Variants in PBX1 observed in about 807,000 individuals in gnomAD.
PBX1 encodes the protein pre-B-cell leukemia transcription factor 1.
A neutral mutation model predicts 53.4 loss-of-function variants in PBX1; 6 were observed. The observed-to-expected ratio is 0.11, with a 90% CI of 0.06 to 0.22. The LOEUF (loss-of-function observed/expected upper bound fraction) is 0.22, where lower values mean the gene tolerates loss of function less well. Among genes scored for constraint, PBX1 ranks in the 10% least tolerant of loss-of-function variants. The probability of loss-of-function intolerance (pLI) is 1.00; values close to 1 mark genes in which losing one functional copy is unlikely to be tolerated. For synonymous variants in PBX1, 204 were observed against 212.3 expected (o/e 0.96, Z 0.34); for missense variants, 251 against 551.4 (o/e 0.46, Z 5.46).
At chr1:164,665,609 A>C (rs1660758060) in intron 2 of PBX1, among the ~76,000 whole-genome samples, 1 of 152,180 alleles carries the variant, frequency 6.6e-6, no homozygotes, top group African/African-American at 2.4e-5. Flanking sequence ...TTAAAAAAAC[A>C]AAGGGACACT....
intron 2 of PBX1, among the ~76,000 whole-genome samples, chr1:164,741,402 C>T (rs1030371952): frequency 9.2e-5 from 14 of 152,260 alleles, no homozygotes; most frequent in African/African-American, 2.9e-4. Flanking sequence ...GTTAAGCAGC[C>T]TCCTCAAAGC....
At chr1:164,819,900 T>C in intron 6 of PBX1, 172 bp from the exon 7 acceptor site, 1 of 576,004 alleles carries the variant, frequency 1.7e-6, no homozygotes, top group Admixed American at 3.1e-5. Flanking sequence ...ATGCACCCTT[T>C]ATTGCTTGCT....
chr1:164,732,298 T>G (rs1665038301), intron 2 of PBX1, among the ~76,000 whole-genome samples: 1 of 152,170 alleles, frequency 6.6e-6, no homozygotes, highest in Non-Finnish European at 1.5e-5. Context: ...TACCTAATTC[T>G]ACAAATATGA....
intron 6 of PBX1, chr1:164,818,350 T>C (rs897644742): frequency 6.6e-6 from 1 of 152,168 alleles, no homozygotes; most frequent in African/African-American, 2.4e-5. Context: ...CCTGGCCAGA[T>C]CTTACACTTG....
At position 164,849,096 on chromosome 1, in the gene PBX1, A is replaced by C; in HGVS notation, c.*2420A>C. 7.4e-7 allele frequency: 1 copy of C among 1,342,646 alleles called. No individual in the cohort carries two copies. Among genetic ancestry groups the C allele is most frequent in the African/African-American group, 1.5e-5 (1 of 68,364 alleles). 83.2% of individuals were successfully genotyped at this position (1,342,646 alleles called of 1,614,324 possible). ...ATAATGAAACTACCCACGCAAGAAC[A>C]TGGTTGAATCACATTTGCTTGACTT... is the stretch of plus-strand genomic sequence containing the variant. On this transcript the variant is annotated 3_prime_UTR_variant, in exon 9 of 9. Transcript: ENST00000420696.
intron 2 of PBX1, among the ~76,000 whole-genome samples, chr1:164,758,358 C>T (rs970737008): frequency 6.6e-6 from 1 of 152,196 alleles, no homozygotes; most frequent in Non-Finnish European, 1.5e-5. Context: ...ACTCGAGTGA[C>T]TGCAGCCTGG....
intron 2 of PBX1, among the ~76,000 whole-genome samples, chr1:164,700,054 G>A (rs1034665620): frequency 2.0e-5 from 3 of 152,206 alleles, no homozygotes; most frequent in Non-Finnish European, 2.9e-5. Context: ...ATGAGGTAAT[G>A]TGGCGGGAGG....
intron 2 of PBX1, among the ~76,000 whole-genome samples, chr1:164,859,907 A>G (rs1206664171): frequency 1.3e-5 from 2 of 152,238 alleles, no homozygotes; most frequent in African/African-American, 2.4e-5. Context: ...AGAATTTAAA[A>G]TTATGATGTC....
chr1:164,711,055 A>AC (rs1288651113), intron 2 of PBX1, among the ~76,000 whole-genome samples: 1 of 151,962 alleles, frequency 6.6e-6, no homozygotes, highest in East Asian at 1.9e-4. Context: ...CTTGCTGTCA[A>AC]CCCTTTCTCT....
At chr1:164,734,674 A>G (rs1387146385) in intron 2 of PBX1, among the ~76,000 whole-genome samples, 4 of 152,222 alleles carry the variant, frequency 2.6e-5, no homozygotes, top group African/African-American at 9.6e-5. Context: ...AATTAATAAT[A>G]CAGCATTACA....
chr1:164,609,046 A>T (rs554390044), intron 2 of PBX1, among the ~76,000 whole-genome samples: 1 of 152,332 alleles, frequency 6.6e-6, no homozygotes, highest in East Asian at 1.9e-4. Context: ...AAGAGGTAAT[A>T]TAAAACAGAC....
intron 2 of PBX1, among the ~76,000 whole-genome samples, chr1:164,693,239 G>C (rs781754167): frequency 2.0e-5 from 3 of 152,246 alleles, no homozygotes; most frequent in Non-Finnish European, 2.9e-5. Context: ...CATGCTCGCT[G>C]TTGCAGAAGG....
At chr1:164,591,049 G>C (rs1201002908) in intron 2 of PBX1, among the ~76,000 whole-genome samples, 3 of 134,202 alleles carry the variant, frequency 2.2e-5, no homozygotes, top group Non-Finnish European at 4.6e-5. Flanking sequence ...GTCTTGCTCT[G>C]TTGCCAGGCT....
chr1:164,783,245 G>A (rs1022225271), intron 2 of PBX1, among the ~76,000 whole-genome samples: 8 of 152,098 alleles, frequency 5.3e-5, no homozygotes, highest in Non-Finnish European at 1.0e-4. Flanking sequence ...TAGCAAGAAA[G>A]GACTATAAAG....
At chr1:164,768,097 A>G (rs943835519) in intron 2 of PBX1, among the ~76,000 whole-genome samples, 2 of 152,162 alleles carry the variant, frequency 1.3e-5, no homozygotes, top group African/African-American at 4.8e-5. Context: ...ACTCTTTCGA[A>G]TCATATTATC....
intron 2 of PBX1, among the ~76,000 whole-genome samples, chr1:164,725,948 A>G (rs1165388746): frequency 6.6e-6 from 1 of 152,184 alleles, no homozygotes; most frequent in African/African-American, 2.4e-5. Context: ...GGATTTGGAA[A>G]TGAAATTTAA....
chr1:164,853,324 T>C (rs532250415), downstream of PBX1, among the ~76,000 whole-genome samples: 1 of 152,274 alleles, frequency 6.6e-6, no homozygotes, highest in African/African-American at 2.4e-5. Context: ...CTGGGAACAA[T>C]TGCACACAGT....
intron 2 of PBX1, among the ~76,000 whole-genome samples, chr1:164,638,278 C>T (rs562875698): frequency 2.0e-5 from 3 of 152,314 alleles, no homozygotes; most frequent in East Asian, 1.9e-4. Flanking sequence ...TTCTATGGGT[C>T]GCTCTCTGCC....
At chr1:164,767,355 C>T (rs1667111556) in intron 2 of PBX1, among the ~76,000 whole-genome samples, 1 of 152,162 alleles carries the variant, frequency 6.6e-6, no homozygotes, top group Non-Finnish European at 1.5e-5. Context: ...CCACACAGGT[C>T]TCATGCTCAC....
Sources: allele counts gnomAD v4.1 joint callset (sites outside exome capture counted in the v4.1 genomes callset), GRCh38; gene constraint gnomAD v4.1.1; transcripts MANE v1.5; gene names NCBI Gene and HGNC (gene_info 2026-07-23, HGNC 2026-07-21).